SLC35F3: variants seen among roughly 807,000 people sequenced by gnomAD.
The protein encoded by SLC35F3 is putative thiamine transporter SLC35F3.
In SLC35F3, 25 loss-of-function variants were observed where a neutral mutation model predicts 49.9. That is an observed-to-expected ratio of 0.50 (90% confidence interval 0.37 to 0.70). SLC35F3 has a LOEUF of 0.70. Ranked by LOEUF, SLC35F3 falls within the 30% of genes least tolerant of loss-of-function variation. The probability of loss-of-function intolerance (pLI) is 0.00; values close to 1 mark genes in which losing one functional copy is unlikely to be tolerated. For synonymous variants in SLC35F3, 275 were observed against 265.4 expected (o/e 1.04, Z -0.35); for missense variants, 525 against 639.8 (o/e 0.82, Z 1.94).
chr1:233,910,547 G>C (rs542109071), intron 2 of SLC35F3, among the ~76,000 whole-genome samples: 2 of 152,310 alleles, frequency 1.3e-5, no homozygotes, highest in East Asian at 1.9e-4. Context: ...GTGTGCCTTC[G>C]TCTAGAAATA....
At chr1:234,257,676 G>A (rs1403341303) in intron 3 of SLC35F3, among the ~76,000 whole-genome samples, 1 of 152,200 alleles carries the variant, frequency 6.6e-6, no homozygotes, top group Non-Finnish European at 1.5e-5. Context: ...TAACTACAGA[G>A]ACTGCAATAA....
intron 3 of SLC35F3, among the ~76,000 whole-genome samples, chr1:234,278,613 T>G (rs1226349561): frequency 6.6e-6 from 1 of 152,216 alleles, no homozygotes; most frequent in African/African-American, 2.4e-5. Flanking sequence ...CAGGTTGCTG[T>G]AACAAATGAC....
At chr1:234,003,636 G>A (rs1344335998) in intron 2 of SLC35F3, among the ~76,000 whole-genome samples, 2 of 152,122 alleles carry the variant, frequency 1.3e-5, no homozygotes, top group Non-Finnish European at 1.5e-5. Flanking sequence ...TCCATAACAG[G>A]AAAATATTGT....
intron 2 of SLC35F3, among the ~76,000 whole-genome samples, chr1:234,128,061 G>C (rs756458299): frequency 2.6e-5 from 4 of 152,198 alleles, no homozygotes; most frequent in Non-Finnish European, 4.4e-5. Context: ...GGAGTGGGAA[G>C]AGTTGGAGTT....
chr1:234,081,856 G>A (rs955375903), intron 2 of SLC35F3, among the ~76,000 whole-genome samples: 2 of 145,078 alleles, frequency 1.4e-5, no homozygotes, highest in African/African-American at 5.1e-5. Flanking sequence ...TTCTGCCTCA[G>A]CCTTCAGAGT....
chr1:233,961,050 A>G (rs1259605361), intron 2 of SLC35F3, among the ~76,000 whole-genome samples: 1 of 151,752 alleles, frequency 6.6e-6, no homozygotes, highest in Non-Finnish European at 1.5e-5. Context: ...ACTGCCTATA[A>G]ATCCCTGAGC....
intron 2 of SLC35F3, among the ~76,000 whole-genome samples, chr1:234,015,692 G>A (rs995307985): frequency 1.3e-5 from 2 of 152,102 alleles, no homozygotes; most frequent in Non-Finnish European, 2.9e-5. Flanking sequence ...CATAAGACCT[G>A]AAACTGTAAA....
intron 2 of SLC35F3, among the ~76,000 whole-genome samples, chr1:234,031,646 C>A (rs1664064576): frequency 6.6e-6 from 1 of 152,174 alleles, no homozygotes; most frequent in South Asian, 2.1e-4. Flanking sequence ...CTGGCCTCAA[C>A]CCATCCCCCT....
intron 2 of SLC35F3, among the ~76,000 whole-genome samples, chr1:234,010,748 A>G (rs1663705128): frequency 2.0e-5 from 3 of 152,198 alleles, no homozygotes; most frequent in African/African-American, 7.2e-5. Flanking sequence ...GAGCACCTAA[A>G]TATAGACTGA....
chr1:234,233,965 C>T (rs1667424454), intron 3 of SLC35F3, among the ~76,000 whole-genome samples: 1 of 152,122 alleles, frequency 6.6e-6, no homozygotes, highest in Non-Finnish European at 1.5e-5. Context: ...GCCATATACA[C>T]CATTGGAGGG....
intron 2 of SLC35F3, among the ~76,000 whole-genome samples, chr1:234,023,700 A>G (rs1663934288): frequency 6.6e-6 from 1 of 152,264 alleles, no homozygotes; most frequent in African/African-American, 2.4e-5. Context: ...GCAAGTCATC[A>G]GGGTCCACAT....
At chr1:234,192,678 C>A (rs1035174155) in intron 2 of SLC35F3, among the ~76,000 whole-genome samples, 6 of 152,024 alleles carry the variant, frequency 3.9e-5, no homozygotes, top group Non-Finnish European at 7.4e-5. Flanking sequence ...ATGATATAAT[C>A]GTAAACCTAG....
At chr1:234,273,916 G>T (rs114114414) in intron 3 of SLC35F3, among the ~76,000 whole-genome samples, 9,125 of 152,130 alleles carry the variant, frequency 0.06, 319 homozygotes, top group African/African-American at 0.097. Flanking sequence ...ACTGTGGACC[G>T]CATACTCATT....
At chr1:233,993,562 C>A (rs1301099687) in intron 2 of SLC35F3, among the ~76,000 whole-genome samples, 2 of 152,150 alleles carry the variant, frequency 1.3e-5, no homozygotes, top group Non-Finnish European at 2.9e-5. Flanking sequence ...GTGCTAAGGG[C>A]CCATTGAGGG....
chr1:234,087,926 C>T (rs1047938479), intron 2 of SLC35F3, among the ~76,000 whole-genome samples: 1 of 152,208 alleles, frequency 6.6e-6, no homozygotes, highest in Non-Finnish European at 1.5e-5. Context: ...CTTCTTTATT[C>T]ATTGTTCACG....
chr1:234,137,014 G>T (rs886692171), intron 2 of SLC35F3, among the ~76,000 whole-genome samples: 31 of 152,182 alleles, frequency 2.0e-4, no homozygotes, highest in Admixed American at 1.8e-3. Context: ...GTTTGGTACT[G>T]CCTTTTGGAG....
intron 2 of SLC35F3, among the ~76,000 whole-genome samples, chr1:233,933,621 C>T (rs1040831267): frequency 2.0e-5 from 3 of 152,018 alleles, no homozygotes; most frequent in African/African-American, 4.8e-5. Context: ...GAGGCCGAGG[C>T]GGGCAGATGA....
chr1:234,281,621 C>T (rs1668327015), intron 3 of SLC35F3, among the ~76,000 whole-genome samples: 1 of 152,172 alleles, frequency 6.6e-6, no homozygotes, highest in Non-Finnish European at 1.5e-5. Flanking sequence ...AAATAGAATC[C>T]TGAGACATAC....
At chr1:233,937,284 C>T (rs1339021313) in intron 2 of SLC35F3, among the ~76,000 whole-genome samples, 1 of 152,110 alleles carries the variant, frequency 6.6e-6, no homozygotes, top group East Asian at 1.9e-4. Context: ...AAAATGATAT[C>T]TTTGATAAAG....
Sources: allele counts gnomAD v4.1 joint callset (sites outside exome capture counted in the v4.1 genomes callset), GRCh38; gene constraint gnomAD v4.1.1; transcripts MANE v1.5; gene names NCBI Gene and HGNC (gene_info 2026-07-23, HGNC 2026-07-21).